MAP4K5: variants seen among roughly 807,000 people sequenced by gnomAD.
MAP4K5 encodes the protein mitogen-activated protein kinase kinase kinase kinase 5.
In MAP4K5, 82 loss-of-function variants were observed where a neutral mutation model predicts 135.6. The observed-to-expected ratio is 0.60, with a 90% CI of 0.51 to 0.73. MAP4K5 has a LOEUF of 0.73. MAP4K5 is among the 30% of genes least tolerant of loss of function. MAP4K5 has a pLI of 0.00. For missense variants in MAP4K5, 907 were observed against 1,010.9 expected, an observed-to-expected ratio of 0.90 and a Z score of 1.39; for synonymous variants, 347 against 335.0, an observed-to-expected ratio of 1.04 and a Z score of -0.39.
intron 1 of MAP4K5, among the ~76,000 whole-genome samples, chr14:50,552,642 C>T (rs1278336230): frequency 2.0e-5 from 3 of 152,126 alleles, no homozygotes; most frequent in Non-Finnish European, 4.4e-5. Context: ...ACCAAAACAA[C>T]GTGGTACTGC....
intron 17 of MAP4K5, 65 bp from the exon 18 acceptor site, chr14:50,445,259 A>C: frequency 2.0e-6 from 3 of 1,463,568 alleles, no homozygotes; most frequent in Non-Finnish European, 2.8e-6. Flanking sequence ...CTTTAGGGAA[A>C]GGGAAATGCA....
At chr14:50,473,685 C>T (rs2037023676) in intron 9 of MAP4K5, among the ~76,000 whole-genome samples, 1 of 148,584 alleles carries the variant, frequency 6.7e-6, no homozygotes, top group Admixed American at 6.7e-5. Context: ...GCTCTTAAAG[C>T]AGATAGTTAC....
In MAP4K5 at chr14:50,447,451, G is replaced by A; in HGVS notation, c.1105C>T (p.Gln369Ter). The A allele has an allele frequency of 6.4e-7, 1 of 1,552,442 alleles. No individual in the cohort carries two copies. Among genetic ancestry groups the A allele is most frequent in the Non-Finnish European group, 8.7e-7 (1 of 1,146,918 alleles). ...GCACCATCAACAAAAGGATTCCACTGTAACATGAAATTTGGGTCTGATGAC... is the reference window on the plus strand; with the variant it reads ...GCACCATCAACAAAAGGATTCCACTATAACATGAAATTTGGGTCTGATGAC... The part of the protein sequence containing the change: ...GLSSDPNFML[Q>*]WNPFVDGANT... Residue 369 changes from glutamine (Q) to a stop codon, truncating the protein, a stop_gained, in exon 16 of 33, where the codon CAG (glutamine) becomes TAG (stop). Transcript: ENST00000682126. LOFTEE classifies it high-confidence loss of function.
intron 13 of MAP4K5, among the ~76,000 whole-genome samples, chr14:50,459,106 C>T (rs1430851766): frequency 6.6e-6 from 1 of 152,222 alleles, no homozygotes; most frequent in Non-Finnish European, 1.5e-5. Flanking sequence ...AGCCATCATA[C>T]CTAGCCTCAA....
At chr14:50,536,959 A>G (rs774756230), upstream of MAP4K5, among the ~76,000 whole-genome samples, 29 of 152,272 alleles carry the variant, frequency 1.9e-4, no homozygotes, top group Non-Finnish European at 3.8e-4. Flanking sequence ...TTTTCTGAGG[A>G]AAAATTCAAG....
intron 2 of MAP4K5, among the ~76,000 whole-genome samples, chr14:50,511,056 A>C (rs572727145): frequency 4.0e-4 from 61 of 152,368 alleles, no homozygotes; most frequent in Middle Eastern, 3.4e-3. Flanking sequence ...AGTAATCAAG[A>C]TGTCCTCCAA....
At position 50,418,595 on chromosome 14, in the gene MAP4K5, C is replaced by A. The variant is rs1324404765; in HGVS notation, c.*1424G>T. 1 of 152,638 alleles carries A rather than the reference C, an allele frequency of 6.6e-6. No individual in the cohort carries two copies. Among genetic ancestry groups the A allele is most frequent in the Admixed American group, 6.5e-5 (1 of 15,274 alleles). 9.5% of individuals were successfully genotyped at this position (152,638 alleles called of 1,614,324 possible). A position where few individuals can be genotyped will look rare whatever the true frequency, so the allele number is the denominator to read the frequency against. On this transcript the variant is annotated 3_prime_UTR_variant, in exon 33 of 33. Transcript: ENST00000682126. Reference sequence around the variant, plus strand: ...CAGAGTCAGAAGACTCATGGTCAGGCTCAACTACTAACTTGCTGTGTAAAT... The same window carrying A: ...CAGAGTCAGAAGACTCATGGTCAGGATCAACTACTAACTTGCTGTGTAAAT...
At chr14:50,507,866 G>A (rs946029064) in intron 2 of MAP4K5, among the ~76,000 whole-genome samples, 3 of 152,258 alleles carry the variant, frequency 2.0e-5, no homozygotes, top group African/African-American at 4.8e-5. Context: ...TATTGGGTCT[G>A]CTTGGTGCAG....
intron 1 of MAP4K5, among the ~76,000 whole-genome samples, chr14:50,551,142 A>C (rs2038697248): frequency 1.3e-5 from 2 of 152,190 alleles, no homozygotes; most frequent in South Asian, 4.1e-4. Context: ...AGATTAACTA[A>C]GAAAAGAAGA....
intron 3 of MAP4K5, among the ~76,000 whole-genome samples, chr14:50,493,327 G>C (rs2037526304): frequency 6.6e-6 from 1 of 152,094 alleles, no homozygotes; most frequent in Admixed American, 6.5e-5. Context: ...CTGACACCAT[G>C]AGCATTTTGA....
At chr14:50,521,784 A>G (rs1185008860) in intron 2 of MAP4K5, among the ~76,000 whole-genome samples, 1 of 152,216 alleles carries the variant, frequency 6.6e-6, no homozygotes, top group African/African-American at 2.4e-5. Flanking sequence ...CAGAAATAAA[A>G]TTATATTAGG....
intron 17 of MAP4K5, among the ~76,000 whole-genome samples, chr14:50,445,827 G>A (rs544329663): frequency 3.9e-5 from 6 of 152,114 alleles, no homozygotes; most frequent in East Asian, 1.9e-4. Flanking sequence ...TTTGTCTCCC[G>A]AAGTGCTGGG....
intron 27 of MAP4K5, 120 bp from the exon 28 acceptor site, chr14:50,434,691 T>A: frequency 1.1e-6 from 1 of 913,834 alleles, no homozygotes; most frequent in South Asian, 1.6e-5. Flanking sequence ...CTAAAAAGGA[T>A]TACCTCTAAG....
At chr14:50,465,848 T>G (rs1419153658) in intron 11 of MAP4K5, among the ~76,000 whole-genome samples, 1 of 151,964 alleles carries the variant, frequency 6.6e-6, no homozygotes, top group Admixed American at 6.6e-5. Context: ...GAGGCCGAAG[T>G]GGGCAGATTA....
chr14:50,513,455 A>G (rs1482183261), intron 2 of MAP4K5, among the ~76,000 whole-genome samples: 3 of 152,220 alleles, frequency 2.0e-5, no homozygotes, highest in Non-Finnish European at 4.4e-5. Flanking sequence ...AATGAAAACT[A>G]AAAGTTAATG....
At chr14:50,544,738 A>G (rs1297724682) in intron 1 of MAP4K5, among the ~76,000 whole-genome samples, 2 of 152,036 alleles carry the variant, frequency 1.3e-5, no homozygotes, top group Non-Finnish European at 2.9e-5. Context: ...GTTTGAGACC[A>G]GCCTGGGGAA....
At chr14:50,445,648 C>A (rs1339981868) in intron 17 of MAP4K5, among the ~76,000 whole-genome samples, 2 of 152,184 alleles carry the variant, frequency 1.3e-5, no homozygotes, top group African/African-American at 2.4e-5. Context: ...CAGCTCACTG[C>A]AACCTCCACC....
intron 1 of MAP4K5, chr14:50,560,550 A>C (rs1595579999): frequency 3.4e-5 from 18 of 525,536 alleles, no homozygotes; most frequent in South Asian, 1.1e-4. Flanking sequence ...CTTCTTCCCC[A>C]CCCCCCTCCC....
upstream of MAP4K5, among the ~76,000 whole-genome samples, chr14:50,535,919 T>C (rs547473061): frequency 2.6e-5 from 4 of 152,208 alleles, no homozygotes; most frequent in African/African-American, 9.7e-5. Flanking sequence ...GTTTTCATGA[T>C]AGTGAATAAC....
Sources: gnomAD v4.1 joint callset for allele counts (sites outside exome capture counted in the v4.1 genomes callset) on GRCh38, gnomAD v4.1.1 for gene constraint, MANE v1.5 for transcripts, NCBI Gene and HGNC (gene_info 2026-07-23, HGNC 2026-07-21) for gene names.